The following MGST1 variants were observed in gnomAD, a reference collection of about 807,000 sequenced individuals.
MGST1 encodes the protein microsomal glutathione S-transferase 1.
A neutral mutation model predicts 8.9 loss-of-function variants in MGST1; 5 were observed. The ratio of observed to expected loss-of-function variants is 0.56; its 90% CI spans 0.29 to 1.19. The LOEUF is 1.19. MGST1 is among the 50% of genes most tolerant of loss of function. MGST1 has a pLI of 0.08. For synonymous variants in MGST1, 54 were observed against 67.8 expected, an observed-to-expected ratio of 0.80 and a Z score of 1.00; for missense variants, 182 against 187.4, an observed-to-expected ratio of 0.97 and a Z score of 0.17.
Position 16,361,640 on chromosome 12 carries a change from A to G in MGST1, c.222-2155A>G, listed in dbSNP as rs1196648881. 6.6e-6 allele frequency among the ~76,000 whole-genome samples: 1 copy of G among 152,162 alleles called. No individual in the cohort carries two copies. The highest frequency in any genetic ancestry group is 1.5e-5 in the Non-Finnish European group (1 of 68,018). On this transcript the variant is annotated intron_variant, in intron 3 of 3. Transcript: ENST00000396210. The surrounding 1 kb of genome is among the most constrained non-coding windows in gnomAD (Gnocchi z 4.2). Reference sequence around the variant, plus strand: ...GGACGGAAGGGTGATAGTGCACTGCAGCAGGTGCTCACAGGGAAAGCTGGG... The same window carrying G: ...GGACGGAAGGGTGATAGTGCACTGCGGCAGGTGCTCACAGGGAAAGCTGGG...
chr12:16,473,640 T>A (rs190442101), intron 4 of MGST1, among the ~76,000 whole-genome samples: 88 of 152,328 alleles, frequency 5.8e-4, no homozygotes, highest in African/African-American at 2.1e-3. Context: ...TTCCTCTGTC[T>A]CCCACACCAT....
rs181970453 is a variant in MGST1 at position 16,421,939 on chromosome 12, T to C, written n.779-15449T>C. On this transcript the variant is annotated intron_variant and non_coding_transcript_variant, in intron 1 of 1. Coordinates refer to the MGST1 transcript ENST00000359720. ...ATGTTGACATATCTGGATTCCACAT[T>C]GATCTCTCACCATTACTCTAGATCT... Among the ~76,000 whole-genome samples, 7 of 152,318 alleles carry C rather than the reference T, an allele frequency of 4.6e-5. No individual in the cohort carries two copies. In the East Asian group the frequency reaches 1.4e-3, roughly 29 times the overall value.
At chr12:16,448,230 A>C (rs1418299344) in intron 4 of MGST1, among the ~76,000 whole-genome samples, 1 of 151,970 alleles carries the variant, frequency 6.6e-6, no homozygotes, top group Non-Finnish European at 1.5e-5. Context: ...CAAATTAACA[A>C]ATACTTACTG....
rs1416799879 is a variant in MGST1, at chr12:16,503,726, G to A, written n.483-85802G>A. On this transcript the variant is annotated intron_variant and non_coding_transcript_variant, in intron 4 of 4. Coordinates refer to the MGST1 transcript ENST00000538857. This position sits in a 1 kb window ranked among gnomAD's most constrained non-coding sequence, Gnocchi z 4.8. ...TGTGCCGGGTCAGTTTATCATTGCC[G>A]TGGTAACACCTGGAAGTTACCACCC... Among the ~76,000 whole-genome samples the A allele has an allele frequency of 6.6e-6, 1 of 152,114 alleles. No individual in the cohort carries two copies. The highest frequency in any genetic ancestry group is 2.4e-5 in the African/African-American group (1 of 41,430).
At chr12:16,437,992 C>T (rs1941003531) in exon 2 of MGST1, 1 of 151,860 alleles carries the variant, frequency 6.6e-6, no homozygotes, top group Non-Finnish European at 1.5e-5. Flanking sequence ...AGGCTTAACT[C>T]TGTGGGACAG....
At chr12:16,480,922 CA>C (rs1208876619) in intron 4 of MGST1, among the ~76,000 whole-genome samples, 1 of 151,634 alleles carries the variant, frequency 6.6e-6, no homozygotes, top group East Asian at 1.9e-4. Flanking sequence ...GACAAACAAA[CA>C]AAAAAACAAA....
intron 4 of MGST1, among the ~76,000 whole-genome samples, chr12:16,510,472 T>C (rs2137178390): frequency 6.6e-6 from 1 of 152,348 alleles, no homozygotes; most frequent in East Asian, 1.9e-4. Flanking sequence ...AGCTATGCCT[T>C]AACACATTGT....
chr12:16,433,119 T>C (rs1031533253), intron 1 of MGST1, among the ~76,000 whole-genome samples: 2 of 152,082 alleles, frequency 1.3e-5, no homozygotes, highest in Admixed American at 1.3e-4. Context: ...GTCCCAAAAC[T>C]GAAGAACTTG....
chr12:16,427,757 T>C (rs1368637823), intron 1 of MGST1, among the ~76,000 whole-genome samples: 1 of 152,194 alleles, frequency 6.6e-6, no homozygotes, highest in Non-Finnish European at 1.5e-5. Flanking sequence ...CTTTAATTAT[T>C]TCCATCTAAG....
At chr12:16,514,077 G>C in intron 4 of MGST1, 1 of 375,646 alleles carries the variant, frequency 2.7e-6, no homozygotes, top group South Asian at 2.5e-5. Flanking sequence ...TAGCAACAGT[G>C]GTGAAGAAAA....
chr12:16,402,580 CT>C (rs1221351962), intron 1 of MGST1, among the ~76,000 whole-genome samples: 1 of 151,934 alleles, frequency 6.6e-6, no homozygotes, highest in Non-Finnish European at 1.5e-5. Flanking sequence ...GTACCATTTT[CT>C]TTTTTTTCTG....
intron 4 of MGST1, among the ~76,000 whole-genome samples, chr12:16,565,126 G>A (rs751504866): frequency 2.0e-5 from 3 of 152,054 alleles, no homozygotes; most frequent in Non-Finnish European, 4.4e-5. Flanking sequence ...GACTAGTTTA[G>A]TTATAATCCT....
chr12:16,527,132 A>G (rs1317140939), intron 4 of MGST1, among the ~76,000 whole-genome samples: 2 of 151,976 alleles, frequency 1.3e-5, no homozygotes, highest in African/African-American at 2.4e-5. Flanking sequence ...AGTTTGACCC[A>G]TCTTAAATGT....
At chr12:16,444,182 G>GTTTTTTTT (rs1410059091) in intron 4 of MGST1, among the ~76,000 whole-genome samples, 11 of 135,020 alleles carry the variant, frequency 8.1e-5, no homozygotes, top group East Asian at 5.0e-4. Flanking sequence ...TGGCTGATTT[G>GTTTTTTTT]GTTTTTTTTT....
At chr12:16,518,623 CTCAA>C (rs1425150015) in intron 4 of MGST1, among the ~76,000 whole-genome samples, 1 of 152,118 alleles carries the variant, frequency 6.6e-6, no homozygotes, top group Non-Finnish European at 1.5e-5. Flanking sequence ...ATGTAGAAAA[CTCAA>C]TCAGTGTCCT....
In MGST1 at chr12:16,376,354, C is replaced by T. The variant is rs1051688566; in HGVS notation, c.*190C>T. 182 of 404,760 alleles carry T rather than the reference C, an allele frequency of 4.5e-4. No individual in the cohort carries two copies. The East Asian group carries it at 6.3e-3, about 14-fold the overall frequency. The allele number at this position is 404,760 out of a possible 1,614,324, so 25.1% of individuals were successfully genotyped here. A position where few individuals can be genotyped will look rare whatever the true frequency, so the allele number is the denominator to read the frequency against. On this transcript the variant is annotated 3_prime_UTR_variant, in exon 4 of 4. Transcript: ENST00000535309. ...AATTAGCTATTACTGCGGGAAGTAC[C>T]CAATACCATCTATGAAACTGTGTGG...
Position 16,503,899 on chromosome 12 carries a change from G to A in MGST1, n.483-85629G>A, listed in dbSNP as rs1335880756. 6.6e-6 allele frequency among the ~76,000 whole-genome samples: 1 copy of A among 152,188 alleles called. No homozygotes were observed. The highest frequency in any genetic ancestry group is 1.5e-5 in the Non-Finnish European group (1 of 68,036). On this transcript the variant is annotated intron_variant and non_coding_transcript_variant, in intron 4 of 4. Transcript: ENST00000538857. This position sits in a 1 kb window ranked among gnomAD's most constrained non-coding sequence, Gnocchi z 4.8. ...TCAGAGCTGCCACTCTGGGCACATTGCCTATGGGGTAGCCCTGCTCTGCAA... is the reference window on the plus strand; with the variant it reads ...TCAGAGCTGCCACTCTGGGCACATTACCTATGGGGTAGCCCTGCTCTGCAA...
At chr12:16,437,905 A>G (rs891235697) in exon 2 of MGST1, 32 of 151,964 alleles carry the variant, frequency 2.1e-4, no homozygotes, top group African/African-American at 7.5e-4. Context: ...ATTTTAAAGT[A>G]TTCCTGGGTA....
chr12:16,463,637 G>GT (rs545860017), intron 4 of MGST1, among the ~76,000 whole-genome samples: 272 of 146,624 alleles, frequency 1.9e-3, no homozygotes, highest in Middle Eastern at 3.5e-3. Context: ...GTGAGGCAGA[G>GT]TTTTTTTTTT....
Sources: allele counts gnomAD v4.1 joint callset (sites outside exome capture counted in the v4.1 genomes callset), GRCh38; gene constraint gnomAD v4.1.1; non-coding constraint Gnocchi (gnomAD v3.1); transcripts MANE v1.5; gene names NCBI Gene and HGNC (gene_info 2026-07-23, HGNC 2026-07-21).